RALGAPA2: variants seen among roughly 807,000 people sequenced by gnomAD.
The protein encoded by RALGAPA2 is Ral GTPase activating protein catalytic subunit alpha 2.
In RALGAPA2, 139 loss-of-function variants were observed where a neutral mutation model predicts 230.4. The observed-to-expected ratio is 0.60, with a 90% CI of 0.53 to 0.69. The LOEUF (loss-of-function observed/expected upper bound fraction) is 0.69, where lower values mean the gene tolerates loss of function less well. Among genes scored for constraint, RALGAPA2 ranks in the 30% least tolerant of loss-of-function variants. The pLI is 0.00. For missense variants in RALGAPA2, 2,163 were observed against 2,276.0 expected, an observed-to-expected ratio of 0.95 and a Z score of 1.01; for synonymous variants, 847 against 837.8, an observed-to-expected ratio of 1.01 and a Z score of -0.19.
At chr20:20,668,146 T>C (rs995104558) in intron 3 of RALGAPA2, among the ~76,000 whole-genome samples, 1 of 152,188 alleles carries the variant, frequency 6.6e-6, no homozygotes, top group Non-Finnish European at 1.5e-5. Context: ...CTCTAGAGCC[T>C]CCCTGTCCAA....
In RALGAPA2 at chr20:20,616,079, C is replaced by T. The variant is rs770356194; in HGVS notation, c.1652G>A (p.Arg551His). ...ACKAVLIIFR[R>H]MIMELTMNKK... Reference sequence around the variant, plus strand: ...ATTCATTGTAAGCTCCATTATCATGCGCCTAAAAATAATCAAAACAGCTTT... The same window carrying T: ...ATTCATTGTAAGCTCCATTATCATGTGCCTAAAAATAATCAAAACAGCTTT... Residue 551 changes from arginine to histidine, a missense_variant, in exon 13 of 40, where the codon CGC becomes CAC. Arg to His is a conservative substitution (Grantham distance 29). Coordinates refer to ENST00000202677, the MANE Select transcript of RALGAPA2 (RefSeq NM_020343.4). 1.6e-5 allele frequency: 25 copies of T among 1,548,366 alleles called. No individual in the cohort carries two copies. Among genetic ancestry groups the T allele is most frequent in the South Asian group, 9.8e-5 (8 of 81,878 alleles).
intron 37 of RALGAPA2, among the ~76,000 whole-genome samples, chr20:20,436,915 C>T (rs780064720): frequency 2.0e-4 from 31 of 152,152 alleles, no homozygotes; most frequent in Non-Finnish European, 1.0e-4. Flanking sequence ...CCACCTCATC[C>T]GAGCCTGTGC....
At chr20:20,516,624 A>G (rs1175250951) in intron 31 of RALGAPA2, among the ~76,000 whole-genome samples, 1 of 152,220 alleles carries the variant, frequency 6.6e-6, no homozygotes, top group East Asian at 1.9e-4. Flanking sequence ...GCAATCTCAC[A>G]GAGTCTACAT....
intron 3 of RALGAPA2, among the ~76,000 whole-genome samples, chr20:20,675,050 TACAA>T (rs1041954988): frequency 3.9e-5 from 6 of 152,174 alleles, no homozygotes; most frequent in South Asian, 4.1e-4. Context: ...GATAAAATAG[TACAA>T]ACAAATGATG....
chr20:20,701,984 G>A (rs1264144544), intron 1 of RALGAPA2, among the ~76,000 whole-genome samples: 2 of 151,048 alleles, frequency 1.3e-5, no homozygotes, highest in African/African-American at 4.9e-5. Flanking sequence ...AGGTTGCAGT[G>A]AGCCAAGATC....
At chr20:20,506,051 G>A (rs868849230) in intron 33 of RALGAPA2, among the ~76,000 whole-genome samples, 1 of 152,166 alleles carries the variant, frequency 6.6e-6, no homozygotes, top group Non-Finnish European at 1.5e-5. Flanking sequence ...ACGATTTTAT[G>A]AGAAAAAGAA....
chr20:20,402,561 T>A (rs2059867877), intron 38 of RALGAPA2, among the ~76,000 whole-genome samples: 1 of 152,220 alleles, frequency 6.6e-6, no homozygotes, highest in Admixed American at 6.5e-5. Flanking sequence ...AGGGGCTATG[T>A]TCTGTGGTGC....
chr20:20,493,583 CA>C (rs2062123104), intron 36 of RALGAPA2, among the ~76,000 whole-genome samples: 1 of 152,072 alleles, frequency 6.6e-6, no homozygotes, highest in South Asian at 2.1e-4. Context: ...ATAAAGGTGA[CA>C]TTTTTAGGAC....
At chr20:20,650,795 T>G (rs1172065178) in intron 4 of RALGAPA2, among the ~76,000 whole-genome samples, 2 of 152,222 alleles carry the variant, frequency 1.3e-5, no homozygotes, top group Non-Finnish European at 2.9e-5. Context: ...AGACCCGGAC[T>G]GACTAATGGT....
chr20:20,394,723 A>G (rs2059671553), intron 39 of RALGAPA2, among the ~76,000 whole-genome samples: 1 of 152,074 alleles, frequency 6.6e-6, no homozygotes, highest in Non-Finnish European at 1.5e-5. Flanking sequence ...CCACAAGAGA[A>G]GCTAGATTGT....
At chr20:20,483,475 G>T (rs1040787979) in intron 36 of RALGAPA2, among the ~76,000 whole-genome samples, 1 of 152,176 alleles carries the variant, frequency 6.6e-6, no homozygotes, top group African/African-American at 2.4e-5. Flanking sequence ...GCCAAGGACA[G>T]TCGCCCTGAG....
intron 1 of RALGAPA2, among the ~76,000 whole-genome samples, chr20:20,711,314 G>A (rs1414451049): frequency 6.6e-6 from 1 of 152,164 alleles, no homozygotes; most frequent in Non-Finnish European, 1.5e-5. Context: ...TCTTTCAAGT[G>A]ACAGACACAT....
rs888821239 is a variant in RALGAPA2 at position 20,687,848 on chromosome 20, A to T, written c.107-7047T>A. ...ATCATCCCCTCCATTAAAGAAGGAA[A>T]AGCAGGAAAAATGAATCCAAGTTAC... On this transcript the variant is annotated intron_variant, in intron 1 of 39. Coordinates refer to ENST00000202677, the MANE Select transcript of RALGAPA2 (RefSeq NM_020343.4). Among the ~76,000 whole-genome samples, 672 of 152,306 alleles carry T rather than the reference A, an allele frequency of 4.4e-3. 4 individuals are homozygous for T. Among genetic ancestry groups the T allele is most frequent in the Non-Finnish European group, 6.6e-3 (448 of 68,024 alleles).
chr20:20,439,040 C>T (rs533019904), intron 37 of RALGAPA2, among the ~76,000 whole-genome samples: 50 of 152,236 alleles, frequency 3.3e-4, no homozygotes, highest in African/African-American at 1.0e-3. Flanking sequence ...AATTACTTTT[C>T]GTGTAGGATT....
At chr20:20,525,047 G>T in intron 28 of RALGAPA2, 149 bp from the exon 29 acceptor site, 1 of 628,402 alleles carries the variant, frequency 1.6e-6, no homozygotes, top group Non-Finnish European at 2.7e-6. Context: ...GGCCAGCTGT[G>T]TGGTGATCTT....
chr20:20,427,672 G>C (rs1489060272), intron 37 of RALGAPA2, among the ~76,000 whole-genome samples: 2 of 152,012 alleles, frequency 1.3e-5, no homozygotes, highest in African/African-American at 4.8e-5. Flanking sequence ...CTTGCAATTT[G>C]ACGTGAGGCA....
chr20:20,687,597 C>G (rs1043955211), intron 1 of RALGAPA2, among the ~76,000 whole-genome samples: 2 of 152,114 alleles, frequency 1.3e-5, no homozygotes, highest in Non-Finnish European at 2.9e-5. Context: ...CCCAGGCAAC[C>G]GTCAGTGAGA....
At position 20,584,891 on chromosome 20, in the gene RALGAPA2, T is replaced by G. The variant is rs1455175770; in HGVS notation, c.2504A>C (p.Gln835Pro). ...LDLKDDLQQT[Q>P]GKCRERQKSE... Reference sequence around the variant, plus strand: ...CTTCTGTCTTTCCCTACATTTTCCTTGTGTCTGCTGCAAATCATCTTTCAA... The same window carrying G: ...CTTCTGTCTTTCCCTACATTTTCCTGGTGTCTGCTGCAAATCATCTTTCAA... The change falls in exon 19 of 40, where the codon CAA becomes CCA. Residue 835 changes from glutamine to proline, a missense_variant. By Grantham distance (76) the Gln-to-Pro change is moderately conservative. Coordinates refer to ENST00000202677, the MANE Select transcript of RALGAPA2 (RefSeq NM_020343.4). 6.2e-7 allele frequency: 1 copy of G among 1,611,626 alleles called. No homozygotes were observed. Among genetic ancestry groups the G allele is most frequent in the African/African-American group, 1.3e-5 (1 of 75,018 alleles).
At chr20:20,502,212 C>G (rs567886499) in intron 35 of RALGAPA2, among the ~76,000 whole-genome samples, 74 of 152,246 alleles carry the variant, frequency 4.9e-4, no homozygotes, top group African/African-American at 1.7e-3. Flanking sequence ...TAAAGTGCTG[C>G]ACAATGAAAC....
Sources: allele counts gnomAD v4.1 joint callset (sites outside exome capture counted in the v4.1 genomes callset), GRCh38; gene constraint gnomAD v4.1.1; transcripts MANE v1.5; gene names NCBI Gene and HGNC (gene_info 2026-07-23, HGNC 2026-07-21).